GPC6: variants seen among roughly 807,000 people sequenced by gnomAD.
GPC6 encodes the protein glypican-6.
Under a neutral mutation model 55.2 loss-of-function variants are expected in GPC6, and 14 were observed. The ratio of observed to expected loss-of-function variants is 0.25; its 90% confidence interval spans 0.17 to 0.40. The LOEUF is 0.40. Ranked by LOEUF, GPC6 falls within the 10% of genes least tolerant of loss-of-function variation. GPC6 has a pLI of 1.00. For synonymous variants in GPC6, 278 were observed against 259.6 expected (o/e 1.07, Z -0.68); for missense variants, 641 against 708.5 (o/e 0.90, Z 1.08).
chr13:93,231,850 A>G (rs1359303258), intron 1 of GPC6, among the ~76,000 whole-genome samples: 1 of 152,146 alleles, frequency 6.6e-6, no homozygotes, highest in African/African-American at 2.4e-5. Context: ...TTTCTGTCCC[A>G]GGTATTTTGA....
chr13:93,957,311 G>T (rs1005156809), intron 3 of GPC6, among the ~76,000 whole-genome samples: 1 of 152,010 alleles, frequency 6.6e-6, no homozygotes, highest in African/African-American at 2.4e-5. Flanking sequence ...TGTTACATGG[G>T]TGTATTATAT....
intron 2 of GPC6, among the ~76,000 whole-genome samples, chr13:93,751,546 G>A (rs947562571): frequency 6.6e-6 from 1 of 151,402 alleles, no homozygotes; most frequent in African/African-American, 2.4e-5. Context: ...TATAGAGATG[G>A]GGTTTTACTC....
At chr13:93,419,236 A>G (rs572710966) in intron 1 of GPC6, among the ~76,000 whole-genome samples, 1 of 151,780 alleles carries the variant, frequency 6.6e-6, no homozygotes, top group Admixed American at 6.6e-5. Flanking sequence ...AGAATAATAT[A>G]CATATATTCT....
At chr13:93,281,699 C>A (rs1257956605) in intron 1 of GPC6, among the ~76,000 whole-genome samples, 1 of 152,128 alleles carries the variant, frequency 6.6e-6, no homozygotes, top group East Asian at 1.9e-4. Flanking sequence ...CACCTATAAT[C>A]CCAGCTACTT....
intron 4 of GPC6, among the ~76,000 whole-genome samples, chr13:94,083,350 C>T (rs904781424): frequency 6.6e-6 from 1 of 152,170 alleles, no homozygotes; most frequent in African/African-American, 2.4e-5. Context: ...GATCTCCTGA[C>T]CTTGTGATGC....
At chr13:93,459,810 G>A (rs985513041) in intron 1 of GPC6, among the ~76,000 whole-genome samples, 1 of 152,156 alleles carries the variant, frequency 6.6e-6, no homozygotes, top group Non-Finnish European at 1.5e-5. Context: ...TTTAGAATTA[G>A]TGCTACTGGA....
intron 2 of GPC6, among the ~76,000 whole-genome samples, chr13:93,750,534 G>A (rs1412953318): frequency 1.3e-5 from 2 of 151,914 alleles, no homozygotes; most frequent in Non-Finnish European, 2.9e-5. Flanking sequence ...TCAGATCTGT[G>A]GTAAAATATC....
intron 6 of GPC6, among the ~76,000 whole-genome samples, chr13:94,314,701 G>C (rs912874348): frequency 3.3e-5 from 5 of 152,166 alleles, no homozygotes; most frequent in African/African-American, 1.2e-4. Context: ...TCTCTTAGCT[G>C]TCTGAGATAT....
intron 7 of GPC6, among the ~76,000 whole-genome samples, chr13:94,391,135 C>T (rs549696418): frequency 6.6e-6 from 1 of 152,296 alleles, no homozygotes; most frequent in African/African-American, 2.4e-5. Context: ...TCTCCAAAAG[C>T]ATCCCCAAAC....
At chr13:93,372,056 A>G (rs1874677779) in intron 1 of GPC6, among the ~76,000 whole-genome samples, 1 of 152,168 alleles carries the variant, frequency 6.6e-6, no homozygotes, top group Admixed American at 6.6e-5. Context: ...AGCAAAAGAT[A>G]CACTTTGGGA....
intron 3 of GPC6, among the ~76,000 whole-genome samples, chr13:94,020,255 G>A (rs143294388): frequency 2.5e-4 from 38 of 152,156 alleles, no homozygotes; most frequent in African/African-American, 8.2e-4. Flanking sequence ...TGTATGAAAC[G>A]TATGTGGTTT....
At chr13:93,767,484 C>CTTTT (rs1885159793) in intron 2 of GPC6, among the ~76,000 whole-genome samples, 1 of 152,136 alleles carries the variant, frequency 6.6e-6, no homozygotes, top group South Asian at 2.1e-4. Context: ...GAATCCTTAT[C>CTTTT]AGTCAGAAAA....
chr13:93,565,508 G>A (rs1876054034), intron 2 of GPC6, among the ~76,000 whole-genome samples: 1 of 152,122 alleles, frequency 6.6e-6, no homozygotes, highest in Admixed American at 6.6e-5. Context: ...TTCTTCATTA[G>A]GAAGTGTCTG....
At position 94,272,617 on chromosome 13, in the gene GPC6, C is replaced by T. The variant is rs930018026; in HGVS notation, c.878-13732C>T. ...CCAAGTAGCTGGGACCACAGGCGCCCGCCACCACGCCCGGCTAATTTTTTG... is the reference window on the plus strand; with the variant it reads ...CCAAGTAGCTGGGACCACAGGCGCCTGCCACCACGCCCGGCTAATTTTTTG... On this transcript the variant is annotated intron_variant, in intron 4 of 8. Transcript: ENST00000377047. Among the ~76,000 whole-genome samples the T allele has an allele frequency of 4.0e-5, 6 of 151,654 alleles. No homozygotes were observed. The South Asian group carries it at 6.3e-4, about 16-fold the overall frequency.
At chr13:94,389,199 A>G (rs1415851168) in intron 7 of GPC6, among the ~76,000 whole-genome samples, 2 of 152,192 alleles carry the variant, frequency 1.3e-5, no homozygotes, top group African/African-American at 4.8e-5. Context: ...CTAGAAGGCC[A>G]AAGGGAAAAA....
chr13:94,272,326 T>C (rs1892055946), intron 4 of GPC6, among the ~76,000 whole-genome samples: 2 of 152,086 alleles, frequency 1.3e-5, no homozygotes, highest in South Asian at 4.1e-4. Flanking sequence ...TTTATTAACT[T>C]TTAGGGCAAA....
Position 94,398,652 on chromosome 13 carries a change from C to G in GPC6, c.1465+11C>G, listed in dbSNP as rs375762690. The G allele has an allele frequency of 1.2e-6, 2 of 1,612,884 alleles. No homozygotes were observed. Among genetic ancestry groups the G allele is most frequent in the Non-Finnish European group, 1.7e-6 (2 of 1,178,988 alleles). ...ATTTCCAGGACACAAGTAAGAAAAT[C>G]CTTCCCAGCACCAGAAATTTTCAAA... On this transcript the variant is annotated intron_variant, in intron 8 of 8. Transcript: ENST00000377047.
chr13:94,041,599 T>G (rs758322207), intron 4 of GPC6, among the ~76,000 whole-genome samples: 1 of 151,878 alleles, frequency 6.6e-6, no homozygotes, highest in African/African-American at 2.4e-5. Flanking sequence ...CTTAACATTC[T>G]CCTGAACATA....
At chr13:93,599,618 A>G (rs1267833413) in intron 2 of GPC6, among the ~76,000 whole-genome samples, 1 of 152,144 alleles carries the variant, frequency 6.6e-6, no homozygotes, top group East Asian at 1.9e-4. Flanking sequence ...TGGCCTTAGG[A>G]GGGGGGAAGC....
Sources: gnomAD v4.1 joint callset for allele counts (sites outside exome capture counted in the v4.1 genomes callset) on GRCh38, gnomAD v4.1.1 for gene constraint, MANE v1.5 for transcripts, NCBI Gene and HGNC (gene_info 2026-07-23, HGNC 2026-07-21) for gene names.